The following HPCAL1 variants were observed in gnomAD, a reference collection of about 807,000 sequenced individuals.
The protein encoded by HPCAL1 is hippocalcin-like protein 1.
Under a neutral mutation model 17.1 loss-of-function variants are expected in HPCAL1, and 8 were observed. That is an observed-to-expected ratio of 0.47 (90% CI 0.27 to 0.84). The LOEUF is 0.84. HPCAL1 is among the 40% of genes least tolerant of loss of function. HPCAL1 has a pLI of 0.13. For missense variants in HPCAL1, 165 were observed against 271.1 expected (o/e 0.61, Z 2.75); for synonymous variants, 112 against 111.4 (o/e 1.01, Z -0.03).
chr2:10,339,518 T>C (rs1010035234), intron 1 of HPCAL1, among the ~76,000 whole-genome samples: 28 of 152,224 alleles, frequency 1.8e-4, no homozygotes, highest in Non-Finnish European at 2.6e-4. Flanking sequence ...GATTAATTTT[T>C]TTGTATTTTT....
intron 2 of HPCAL1, among the ~76,000 whole-genome samples, chr2:10,399,561 GCCACCGCCACCACC>G (rs1669448147): frequency 5.4e-5 from 1 of 18,464 alleles, no homozygotes. Context: ...CACCACTACC[GCCACCGCCACCACC>G]ACCGCCACCG....
At chr2:10,383,058 A>G (rs1668068171) in intron 1 of HPCAL1, among the ~76,000 whole-genome samples, 1 of 152,106 alleles carries the variant, frequency 6.6e-6, no homozygotes, top group South Asian at 2.1e-4. Context: ...ACCCCTTACC[A>G]TTAGAGTCTG....
At chr2:10,386,382 C>G (rs1303144055) in intron 1 of HPCAL1, among the ~76,000 whole-genome samples, 1 of 152,096 alleles carries the variant, frequency 6.6e-6, no homozygotes, top group Non-Finnish European at 1.5e-5. Flanking sequence ...AATGTTTATT[C>G]TTTGGTTGTT....
chr2:10,387,153 C>T (rs949710486), intron 1 of HPCAL1, among the ~76,000 whole-genome samples: 3 of 152,246 alleles, frequency 2.0e-5, no homozygotes, highest in East Asian at 1.9e-4. Context: ...CAGTCAAGGG[C>T]TCCTGAGGGG....
At chr2:10,392,139 C>A (rs1429257341) in intron 1 of HPCAL1, among the ~76,000 whole-genome samples, 1 of 151,904 alleles carries the variant, frequency 6.6e-6, no homozygotes, top group Non-Finnish European at 1.5e-5. Flanking sequence ...AACTCCTGGG[C>A]TCAAGTGATC....
At chr2:10,320,345 A>G (rs1443873965) in intron 1 of HPCAL1, among the ~76,000 whole-genome samples, 1 of 152,140 alleles carries the variant, frequency 6.6e-6, no homozygotes, top group Non-Finnish European at 1.5e-5. Flanking sequence ...TGATTGGATC[A>G]TGGGAGCAGA....
chr2:10,307,869 C>T (rs1662722152), intron 1 of HPCAL1, among the ~76,000 whole-genome samples: 1 of 152,210 alleles, frequency 6.6e-6, no homozygotes, highest in Non-Finnish European at 1.5e-5. Context: ...ATTTCATCAT[C>T]CCACTGTCTT....
At chr2:10,317,565 G>C (rs926383839) in intron 1 of HPCAL1, among the ~76,000 whole-genome samples, 1 of 152,094 alleles carries the variant, frequency 6.6e-6, no homozygotes, top group Non-Finnish European at 1.5e-5. Flanking sequence ...GTACCGGGAT[G>C]CACCACCATG....
intron 2 of HPCAL1, among the ~76,000 whole-genome samples, chr2:10,402,083 A>G (rs1467996232): frequency 6.6e-6 from 1 of 152,124 alleles, no homozygotes; most frequent in Non-Finnish European, 1.5e-5. Flanking sequence ...TATTTTGAGT[A>G]GAGACGGGGT....
At chr2:10,368,558 C>T (rs898318468) in intron 1 of HPCAL1, 1 of 152,224 alleles carries the variant, frequency 6.6e-6, no homozygotes, top group Non-Finnish European at 1.5e-5. Flanking sequence ...GTACTCTTTC[C>T]TCGAGCTCAG....
intron 1 of HPCAL1, among the ~76,000 whole-genome samples, chr2:10,308,901 C>T (rs536723025): frequency 2.0e-5 from 3 of 152,222 alleles, no homozygotes; most frequent in South Asian, 2.1e-4. Flanking sequence ...CAAAACAAAA[C>T]AAAACAAATC....
At chr2:10,411,763 A>G (rs11691753) in intron 2 of HPCAL1, among the ~76,000 whole-genome samples, 11,380 of 152,116 alleles carry the variant, frequency 0.075, 626 homozygotes, top group African/African-American at 0.15. Context: ...TGATGTTTCC[A>G]CTTCCCTGGA....
chr2:10,314,580 G>A (rs1351441045), intron 1 of HPCAL1, among the ~76,000 whole-genome samples: 1 of 152,124 alleles, frequency 6.6e-6, no homozygotes, highest in African/African-American at 2.4e-5. Flanking sequence ...TCCCTTAAGA[G>A]GATCCTCTAG....
At chr2:10,425,925 TCCTTACAG>T (rs1671375700) in intron 4 of HPCAL1, 1 of 152,204 alleles carries the variant, frequency 6.6e-6, no homozygotes, top group Non-Finnish European at 1.5e-5. Flanking sequence ...ACGGGCAGAA[TCCTTACAG>T]CCTATCCTGC....
chr2:10,418,757 A>G (rs917464834), intron 2 of HPCAL1, among the ~76,000 whole-genome samples: 3 of 152,188 alleles, frequency 2.0e-5, no homozygotes, highest in Non-Finnish European at 2.9e-5. Context: ...TCTTGCATTC[A>G]GGACTTGTGG....
At chr2:10,347,309 T>A (rs978254751) in intron 1 of HPCAL1, among the ~76,000 whole-genome samples, 2 of 152,090 alleles carry the variant, frequency 1.3e-5, no homozygotes, top group East Asian at 3.9e-4. Context: ...CAGAGCCCTG[T>A]CTCAGAGTCT....
At chr2:10,313,289 A>C (rs917232890) in intron 1 of HPCAL1, among the ~76,000 whole-genome samples, 8 of 152,202 alleles carry the variant, frequency 5.3e-5, no homozygotes, top group Admixed American at 5.2e-4. Context: ...CATCTCTCCC[A>C]GGGTGGTAGG....
At chr2:10,399,226 C>CCACCGCCGCTGCCGCTACCACCAT (rs1558517390) in intron 2 of HPCAL1, among the ~76,000 whole-genome samples, 1 of 78,456 alleles carries the variant, frequency 1.3e-5, no homozygotes, top group African/African-American at 4.6e-5. Flanking sequence ...ACCACCACCA[C>CCACCGCCGCTGCCGCTACCACCAT]CACCACCACC....
rs1407763020 is a variant in HPCAL1 at position 10,331,657 on chromosome 2, C to G, written c.-111+28480C>G. Among the ~76,000 whole-genome samples the G allele has an allele frequency of 1.3e-5, 2 of 152,160 alleles. No homozygotes were observed. The highest frequency in any genetic ancestry group is 2.4e-5 in the African/African-American group (1 of 41,426). ...GATGGGTGTGAGGCTGTCTGCCCCC[C>G]ACTGCACGCCCGGCTGTCAGAGGCA... On this transcript the variant is annotated intron_variant, in intron 1 of 4. Coordinates refer to ENST00000307845, the MANE Select transcript of HPCAL1 (RefSeq NM_002149.4). This position sits in a 1 kb window ranked among gnomAD's most constrained non-coding sequence, Gnocchi z 5.0.
Sources: allele counts gnomAD v4.1 joint callset (sites outside exome capture counted in the v4.1 genomes callset), GRCh38; gene constraint gnomAD v4.1.1; non-coding constraint Gnocchi (gnomAD v3.1); transcripts MANE v1.5; gene names NCBI Gene and HGNC (gene_info 2026-07-23, HGNC 2026-07-21).